SAMD12: variants seen among roughly 807,000 people sequenced by gnomAD.
SAMD12 encodes the protein sterile alpha motif domain-containing protein 12.
In SAMD12, 9 loss-of-function variants were observed where a neutral mutation model predicts 15.0. The ratio of observed to expected loss-of-function variants is 0.60; its 90% CI spans 0.36 to 1.05. The LOEUF is 1.05. Among genes scored for constraint, SAMD12 ranks in the 50% least tolerant of loss-of-function variants. SAMD12 has a pLI of 0.01. For synonymous variants in SAMD12, 86 were observed against 90.1 expected (o/e 0.96, Z 0.25); for missense variants, 230 against 234.2 (o/e 0.98, Z 0.12).
exon 5 of SAMD12, chr8:118,190,660 G>A (rs1053700946): frequency 1.3e-5 from 2 of 152,076 alleles, no homozygotes; most frequent in African/African-American, 2.4e-5. Flanking sequence ...ATTGAATAAA[G>A]CCTGCAGCCC....
At chr8:118,519,134 T>A (rs1825323104) in intron 2 of SAMD12, among the ~76,000 whole-genome samples, 1 of 152,220 alleles carries the variant, frequency 6.6e-6, no homozygotes, top group Admixed American at 6.5e-5. Context: ...GAAACTCAAC[T>A]GAGAGGTAGC....
intron 2 of SAMD12, among the ~76,000 whole-genome samples, chr8:118,542,674 G>A (rs564321792): frequency 6.6e-6 from 1 of 152,160 alleles, no homozygotes; most frequent in African/African-American, 2.4e-5. Flanking sequence ...CTAGATCCAA[G>A]TGAAAGTTAA....
chr8:118,213,952 G>A (rs544027708), intron 4 of SAMD12, among the ~76,000 whole-genome samples: 4 of 152,204 alleles, frequency 2.6e-5, no homozygotes, highest in South Asian at 2.1e-4. Context: ...TTTCAGCACA[G>A]CACACCCACC....
chr8:118,463,255 T>TG (rs1348646404), intron 2 of SAMD12, among the ~76,000 whole-genome samples: 2 of 152,086 alleles, frequency 1.3e-5, no homozygotes, highest in African/African-American at 4.8e-5. Flanking sequence ...GGGGTGGGGC[T>TG]GACCCAGCAG....
Position 118,281,913 on chromosome 8 carries a change from C to T in SAMD12, c.434-84181G>A, listed in dbSNP as rs113650416. On this transcript the variant is annotated intron_variant, in intron 4 of 4. Transcript: ENST00000409003. Reference sequence around the variant, plus strand: ...ATTTCAAACTCTATCTCTGCTTCCCCCAGCTAGGGATAGAAAGCCACTATT... The same window carrying T: ...ATTTCAAACTCTATCTCTGCTTCCCTCAGCTAGGGATAGAAAGCCACTATT... Among the ~76,000 whole-genome samples, 189 of 152,318 alleles carry T rather than the reference C, an allele frequency of 1.2e-3. 1 individual carries two copies. The highest frequency in any genetic ancestry group is 3.7e-3 in the African/African-American group (152 of 41,572).
At chr8:118,495,176 G>C (rs4514016) in intron 2 of SAMD12, among the ~76,000 whole-genome samples, 18,715 of 152,164 alleles carry the variant, frequency 0.12, 1,257 homozygotes, top group South Asian at 0.26. Context: ...AGGCAGTAAC[G>C]TATGAAACTG....
At chr8:118,559,182 T>C (rs932108386) in intron 2 of SAMD12, among the ~76,000 whole-genome samples, 5 of 152,170 alleles carry the variant, frequency 3.3e-5, no homozygotes, top group Non-Finnish European at 5.9e-5. Context: ...GACAGGTACA[T>C]GAACTCAAGT....
At chr8:118,290,829 C>G (rs986546154) in intron 4 of SAMD12, among the ~76,000 whole-genome samples, 5 of 152,146 alleles carry the variant, frequency 3.3e-5, no homozygotes, top group Non-Finnish European at 7.4e-5. Flanking sequence ...TCTATGACTG[C>G]AAATATATAA....
chr8:118,516,556 C>T (rs1246467679), intron 2 of SAMD12, among the ~76,000 whole-genome samples: 1 of 152,022 alleles, frequency 6.6e-6, no homozygotes, highest in African/African-American at 2.4e-5. Context: ...AATGTTGTTT[C>T]CAATAATCTT....
At chr8:118,162,592 A>G in the SAMD12 span, among the ~76,000 whole-genome samples, 1 of 152,110 alleles carries the variant, frequency 6.6e-6, no homozygotes, top group South Asian at 2.1e-4. Context: ...GACAGATGAA[A>G]TCTAGGTCTA....
At chr8:118,299,982 C>T (rs1439151812) in intron 4 of SAMD12, among the ~76,000 whole-genome samples, 1 of 152,080 alleles carries the variant, frequency 6.6e-6, no homozygotes, top group Non-Finnish European at 1.5e-5. Flanking sequence ...AATGCTGCCC[C>T]TAAACCTCAG....
rs993586481 is a variant in SAMD12, at chr8:118,440,018, T to C, written c.193-57A>G. On this transcript the variant is annotated intron_variant, in intron 2 of 3. Transcript: ENST00000314727. Reference sequence around the variant, plus strand: ...TGGCCCCATGCCTAGGAAGACACTATAGTTAAAAGTCTTAGAGTGTGTTAA... The same window carrying C: ...TGGCCCCATGCCTAGGAAGACACTACAGTTAAAAGTCTTAGAGTGTGTTAA... The C allele has an allele frequency of 2.4e-5, 38 of 1,573,506 alleles. No individual in the cohort carries two copies. The African/African-American group carries it at 2.7e-4, about 11-fold the overall frequency.
intron 4 of SAMD12, among the ~76,000 whole-genome samples, chr8:118,302,213 A>C (rs1275361806): frequency 6.6e-6 from 1 of 150,530 alleles, no homozygotes; most frequent in African/African-American, 2.5e-5. Context: ...CAACAGGGAA[A>C]CCCCCTCACC....
intron 4 of SAMD12, among the ~76,000 whole-genome samples, chr8:118,202,729 G>A (rs1412272535): frequency 3.3e-5 from 5 of 152,164 alleles, no homozygotes; most frequent in African/African-American, 4.8e-5. Context: ...TCAGAAAGAA[G>A]GGTCCATATC....
chr8:118,359,437 T>G (rs1818386305), intron 4 of SAMD12, among the ~76,000 whole-genome samples: 1 of 152,146 alleles, frequency 6.6e-6, no homozygotes, highest in Non-Finnish European at 1.5e-5. Flanking sequence ...TAATATAATC[T>G]CCCACCATGT....
At chr8:118,269,194 T>TTCTCTCTCTC (rs762035151) in intron 4 of SAMD12, among the ~76,000 whole-genome samples, 15 of 138,564 alleles carry the variant, frequency 1.1e-4, no homozygotes, top group African/African-American at 3.8e-4. Context: ...TTTGCTTTTG[T>TTCTCTCTCTC]TCTCTCTCTC....
chr8:118,469,687 C>T (rs1419344895), intron 2 of SAMD12, among the ~76,000 whole-genome samples: 2 of 145,112 alleles, frequency 1.4e-5, no homozygotes, highest in Non-Finnish European at 3.0e-5. Context: ...CTCAGCCTCC[C>T]GAGTAGCTGG....
intron 2 of SAMD12, among the ~76,000 whole-genome samples, chr8:118,477,664 T>C (rs1388548914): frequency 6.6e-6 from 1 of 152,176 alleles, no homozygotes; most frequent in Non-Finnish European, 1.5e-5. Context: ...ACAGGATATG[T>C]ACAGGGACTT....
the SAMD12 span, among the ~76,000 whole-genome samples, chr8:118,178,836 C>T: frequency 3.9e-5 from 6 of 152,142 alleles, no homozygotes; most frequent in African/African-American, 9.7e-5. Context: ...CCTGAAATCT[C>T]GACAGATTAC....
Sources: allele counts gnomAD v4.1 joint callset (sites outside exome capture counted in the v4.1 genomes callset), GRCh38; gene constraint gnomAD v4.1.1; transcripts MANE v1.5; gene names NCBI Gene and HGNC (gene_info 2026-07-23, HGNC 2026-07-21).